The following FAF1 variants were observed in gnomAD, a reference collection of about 807,000 sequenced individuals.
FAF1 encodes the protein Fas associated factor 1.
Under a neutral mutation model 92.5 loss-of-function variants are expected in FAF1, and 25 were observed. The ratio of observed to expected loss-of-function variants is 0.27; its 90% CI spans 0.20 to 0.38. FAF1 has a LOEUF of 0.38. Among genes scored for constraint, FAF1 ranks in the 10% least tolerant of loss-of-function variants. The pLI, the probability that FAF1 is intolerant of heterozygous loss-of-function variation, is 1.00. For missense variants in FAF1, 636 were observed against 793.3 expected (o/e 0.80, Z 2.38); for synonymous variants, 234 against 273.2 (o/e 0.86, Z 1.42).
chr1:50,915,877 G>C (rs1310870345), intron 1 of FAF1, among the ~76,000 whole-genome samples: 1 of 152,056 alleles, frequency 6.6e-6, no homozygotes, highest in Non-Finnish European at 1.5e-5. Context: ...TCCAACTCTA[G>C]AACACTAGTG....
chr1:50,623,586 A>G (rs1430572334), intron 8 of FAF1, among the ~76,000 whole-genome samples: 1 of 151,584 alleles, frequency 6.6e-6, no homozygotes, highest in Non-Finnish European at 1.5e-5. Context: ...AAAAAAAAAA[A>G]AAGAAAGAAA....
chr1:50,584,618 TC>T (rs1359896046), intron 10 of FAF1, 66 bp downstream of exon 10: 2 of 1,500,514 alleles, frequency 1.3e-6, no homozygotes, highest in African/African-American at 2.8e-5. Flanking sequence ...AGTTTAATGT[TC>T]TTCATAAGTT....
intron 4 of FAF1, among the ~76,000 whole-genome samples, chr1:50,774,086 G>A (rs757526511): frequency 3.3e-5 from 5 of 152,120 alleles, no homozygotes; most frequent in Non-Finnish European, 5.9e-5. Context: ...ATTATTTGGG[G>A]AGTACACAAT....
At chr1:50,933,790 TG>T (rs2124747123) in intron 1 of FAF1, among the ~76,000 whole-genome samples, 1 of 152,330 alleles carries the variant, frequency 6.6e-6, no homozygotes, top group Non-Finnish European at 1.5e-5. Flanking sequence ...TCCACATGGC[TG>T]GGGAGACCTC....
At chr1:50,815,583 T>A (rs963796499) in intron 2 of FAF1, among the ~76,000 whole-genome samples, 1 of 152,206 alleles carries the variant, frequency 6.6e-6, no homozygotes, top group African/African-American at 2.4e-5. Flanking sequence ...CATTGCTGGG[T>A]AGAACGGCAG....
chr1:50,897,346 T>G (rs1315431951), intron 1 of FAF1, among the ~76,000 whole-genome samples: 1 of 152,238 alleles, frequency 6.6e-6, no homozygotes, highest in African/African-American at 2.4e-5. Context: ...AGAGTGTGAT[T>G]GTCTGTTCCC....
At chr1:50,945,821 C>T (rs1198737969) in intron 1 of FAF1, among the ~76,000 whole-genome samples, 1 of 152,306 alleles carries the variant, frequency 6.6e-6, no homozygotes, top group Non-Finnish European at 1.5e-5. Context: ...AAGAAGAGTA[C>T]CAATCAGAGC....
At chr1:50,826,545 C>T (rs1452053304) in intron 2 of FAF1, among the ~76,000 whole-genome samples, 1 of 145,318 alleles carries the variant, frequency 6.9e-6, no homozygotes. Context: ...AGTGAGACTC[C>T]GTCTCAAAAA....
At chr1:50,925,852 T>C (rs1295551499) in intron 1 of FAF1, among the ~76,000 whole-genome samples, 1 of 152,170 alleles carries the variant, frequency 6.6e-6, no homozygotes, top group African/African-American at 2.4e-5. Flanking sequence ...TAAATGTCCA[T>C]CAACAGGCAA....
chr1:50,618,747 G>A (rs1262410358), intron 8 of FAF1, among the ~76,000 whole-genome samples: 3 of 150,788 alleles, frequency 2.0e-5, no homozygotes, highest in African/African-American at 7.3e-5. Flanking sequence ...GAATAGCAAA[G>A]CTTGCTTTTT....
chr1:50,532,512 C>G (rs1648230861), intron 15 of FAF1, among the ~76,000 whole-genome samples: 1 of 152,110 alleles, frequency 6.6e-6, no homozygotes, highest in Non-Finnish European at 1.5e-5. Flanking sequence ...TCTTGAAAGG[C>G]AAAACACCTA....
At chr1:50,754,484 T>G (rs908462032) in intron 4 of FAF1, among the ~76,000 whole-genome samples, 2 of 152,188 alleles carry the variant, frequency 1.3e-5, no homozygotes, top group African/African-American at 4.8e-5. Flanking sequence ...TTGGGTGGTT[T>G]TTAGTTGTAA....
At chr1:50,829,815 C>T (rs114040389) in intron 2 of FAF1, among the ~76,000 whole-genome samples, 2,077 of 152,292 alleles carry the variant, frequency 0.014, 45 homozygotes, top group African/African-American at 0.045. Flanking sequence ...GTTGTTTAAA[C>T]GTCATGAGCC....
intron 2 of FAF1, among the ~76,000 whole-genome samples, chr1:50,834,047 C>T (rs1369567015): frequency 2.6e-5 from 4 of 152,188 alleles, no homozygotes; most frequent in East Asian, 3.8e-4. Flanking sequence ...TGGTGGCAGG[C>T]GACTGGATCA....
chr1:50,873,791 G>A (rs1484699651), intron 1 of FAF1, among the ~76,000 whole-genome samples: 3 of 152,198 alleles, frequency 2.0e-5, no homozygotes, highest in African/African-American at 7.2e-5. Flanking sequence ...GTGGCAGTGT[G>A]AGTTTAATAA....
intron 2 of FAF1, among the ~76,000 whole-genome samples, chr1:50,847,888 T>TACAC (rs35667976): frequency 6.7e-6 from 1 of 149,596 alleles, no homozygotes; most frequent in African/African-American, 2.5e-5. Flanking sequence ...TGCACACATA[T>TACAC]ACACACACAC....
chr1:50,952,344 G>A (rs182459789), intron 1 of FAF1, among the ~76,000 whole-genome samples: 51 of 152,352 alleles, frequency 3.3e-4, no homozygotes, highest in South Asian at 1.0e-3. Context: ...TCCTGACCGC[G>A]AGTGATCTGC....
intron 6 of FAF1, among the ~76,000 whole-genome samples, chr1:50,717,447 T>G (rs1658223921): frequency 6.6e-6 from 1 of 152,150 alleles, no homozygotes; most frequent in Non-Finnish European, 1.5e-5. Flanking sequence ...AGCACCATGG[T>G]CTTGGACTTT....
chr1:50,639,104 A>T (rs1654200352), intron 8 of FAF1, among the ~76,000 whole-genome samples: 1 of 152,180 alleles, frequency 6.6e-6, no homozygotes. Context: ...GTCATCATTA[A>T]CTTAAGTATT....
Sources: gnomAD v4.1 joint callset for allele counts (sites outside exome capture counted in the v4.1 genomes callset) on GRCh38, gnomAD v4.1.1 for gene constraint, MANE v1.5 for transcripts, NCBI Gene and HGNC (gene_info 2026-07-23, HGNC 2026-07-21) for gene names.